Variants in MARCO observed in about 807,000 individuals in gnomAD.
The protein encoded by MARCO is macrophage receptor MARCO.
In MARCO, 72 loss-of-function variants were observed where a neutral mutation model predicts 70.0. The observed-to-expected ratio is 1.03, with a 90% CI of 0.85 to 1.25. MARCO has a LOEUF of 1.25. MARCO is among the 50% of genes most tolerant of loss of function. The pLI is 0.00. For missense variants in MARCO, 696 were observed against 659.3 expected, an observed-to-expected ratio of 1.06 and a Z score of -0.61; for synonymous variants, 273 against 243.1, an observed-to-expected ratio of 1.12 and a Z score of -1.14.
chr2:118,959,978 C>T (rs1484706266), intron 1 of MARCO, among the ~76,000 whole-genome samples: 1 of 151,572 alleles, frequency 6.6e-6, no homozygotes, highest in Non-Finnish European at 1.5e-5. Context: ...AGGGTGGTGA[C>T]GGATAAAAGA....
chr2:118,985,401 T>C (rs929412376), intron 12 of MARCO, among the ~76,000 whole-genome samples: 4 of 152,102 alleles, frequency 2.6e-5, no homozygotes, highest in Admixed American at 2.0e-4. Flanking sequence ...CTGACCACAC[T>C]CTACCCCATT....
At chr2:118,973,777 G>A (rs901767509) in intron 4 of MARCO, among the ~76,000 whole-genome samples, 8 of 152,176 alleles carry the variant, frequency 5.3e-5, no homozygotes, top group Non-Finnish European at 1.2e-4. Flanking sequence ...AAGCTTCAGG[G>A]AAGGGGATTG....
At chr2:118,961,233 T>G (rs1558833317) in intron 1 of MARCO, among the ~76,000 whole-genome samples, 1 of 151,256 alleles carries the variant, frequency 6.6e-6, no homozygotes, top group African/African-American at 2.4e-5. Flanking sequence ...TAGAATGGTT[T>G]GTAATAGGAT....
intron 13 of MARCO, among the ~76,000 whole-genome samples, chr2:118,991,157 A>G (rs1021341938): frequency 3.3e-5 from 5 of 151,930 alleles, no homozygotes; most frequent in Non-Finnish European, 5.9e-5. Flanking sequence ...GCCTCTCAAG[A>G]GCCCTGCCCC....
chr2:118,990,559 TCCCCCCC>T, intron 12 of MARCO, 23 bp from the exon 13 acceptor site: 1 of 1,308,824 alleles, frequency 7.6e-7, no homozygotes, highest in Non-Finnish European at 1.1e-6. Context: ...TATTATCTCC[TCCCCCCC>T]CCCTTTTTTG....
Position 118,979,106 on chromosome 2 carries a change from T to G in MARCO, c.766+1171T>G, listed in dbSNP as rs75492472. On this transcript the variant is annotated intron_variant, in intron 8 of 16. Transcript: ENST00000327097. ...ACCACTGTACCTGGCACATGGGAATTCCTTACAAAAAAACTGGGAAGCCTT... is the reference window on the plus strand; with the variant it reads ...ACCACTGTACCTGGCACATGGGAATGCCTTACAAAAAAACTGGGAAGCCTT... Among the ~76,000 whole-genome samples, 900 of 152,236 alleles carry G rather than the reference T, an allele frequency of 5.9e-3. 11 individuals are homozygous for G. The highest frequency in any genetic ancestry group is 0.021 in the African/African-American group (857 of 41,518).
At chr2:118,947,469 C>T (rs1310645290) in intron 1 of MARCO, among the ~76,000 whole-genome samples, 1 of 152,132 alleles carries the variant, frequency 6.6e-6, no homozygotes, top group African/African-American at 2.4e-5. Context: ...TACCACCATG[C>T]CTGCCCGTGA....
At chr2:118,982,873 A>G (rs1680421456) in intron 12 of MARCO, among the ~76,000 whole-genome samples, 1 of 146,984 alleles carries the variant, frequency 6.8e-6, no homozygotes, top group African/African-American at 2.7e-5. Flanking sequence ...AGTTTATACC[A>G]TAATGCCAAC....
chr2:118,954,535 A>G (rs1679791858), intron 1 of MARCO, among the ~76,000 whole-genome samples: 1 of 152,154 alleles, frequency 6.6e-6, no homozygotes, highest in Non-Finnish European at 1.5e-5. Context: ...TTCTAGGGCC[A>G]CACCCACTGC....
intron 1 of MARCO, among the ~76,000 whole-genome samples, chr2:118,962,759 C>A (rs1472968862): frequency 2.0e-5 from 3 of 152,064 alleles, no homozygotes; most frequent in East Asian, 3.9e-4. Context: ...TTTCTGGGAG[C>A]TTTTAAATTA....
chr2:118,977,745 A>C, intron 7 of MARCO, 83 bp from the exon 8 acceptor site: 2 of 1,072,008 alleles, frequency 1.9e-6, no homozygotes, highest in Non-Finnish European at 2.7e-6. Context: ...CTTCTCTCCC[A>C]AATGCTTCCT....
intron 2 of MARCO, among the ~76,000 whole-genome samples, chr2:118,969,697 A>G (rs1680125141): frequency 6.6e-6 from 1 of 152,208 alleles, no homozygotes; most frequent in African/African-American, 2.4e-5. Flanking sequence ...CACTGAAGTC[A>G]CTCAAGAACG....
At chr2:118,988,669 G>A (rs1002963635) in intron 12 of MARCO, among the ~76,000 whole-genome samples, 8 of 152,034 alleles carry the variant, frequency 5.3e-5, no homozygotes, top group Non-Finnish European at 1.0e-4. Context: ...GTGATCTTTC[G>A]CCCAACCCAT....
At chr2:118,958,188 T>G (rs1009927118) in intron 1 of MARCO, among the ~76,000 whole-genome samples, 2 of 151,978 alleles carry the variant, frequency 1.3e-5, no homozygotes, top group African/African-American at 4.8e-5. Flanking sequence ...GGCATCCAAA[T>G]TGGTAAAGAG....
chr2:118,965,028 T>C (rs541206725), intron 1 of MARCO, among the ~76,000 whole-genome samples: 2 of 152,352 alleles, frequency 1.3e-5, no homozygotes, highest in East Asian at 3.9e-4. Context: ...TGTGTCTTGA[T>C]ATGGATTTCT....
At chr2:118,984,357 A>G (rs1268393519) in intron 12 of MARCO, among the ~76,000 whole-genome samples, 1 of 152,184 alleles carries the variant, frequency 6.6e-6, no homozygotes, top group Non-Finnish European at 1.5e-5. Context: ...CTTGGGGATC[A>G]TTTTAATTTC....
In MARCO at chr2:118,969,310, A is replaced by T. The variant is rs1016211617; in HGVS notation, c.199+49A>T. The T allele has an allele frequency of 1.4e-5, 20 of 1,477,170 alleles. 1 individual carries two copies. In the African/African-American group the frequency reaches 2.1e-4, roughly 15 times the overall value. 91.5% of individuals were successfully genotyped at this position (1,477,170 alleles called of 1,614,324 possible). On this transcript the variant is annotated intron_variant, in intron 2 of 16. Coordinates refer to ENST00000327097, the MANE Select transcript of MARCO (RefSeq NM_006770.4). ...AGTCCCTCCTGGGGGGAGAGGGGTG[A>T]CCCAGCTGGGCCCCTCAGATGAAGG...
chr2:118,944,981 T>C (rs1213571254), intron 1 of MARCO: 1 of 152,134 alleles, frequency 6.6e-6, no homozygotes, highest in Non-Finnish European at 1.5e-5. Flanking sequence ...TGATTAACAA[T>C]ACAAACTGTA....
intron 1 of MARCO, among the ~76,000 whole-genome samples, chr2:118,945,404 C>CTTTTTTTTTT (rs55684033): frequency 8.1e-5 from 10 of 123,064 alleles, no homozygotes; most frequent in Admixed American, 1.7e-4. Flanking sequence ...CCTCTTGTTT[C>CTTTTTTTTTT]TTTTTTTTTT....
Sources: gnomAD v4.1 joint callset for allele counts (sites outside exome capture counted in the v4.1 genomes callset) on GRCh38, gnomAD v4.1.1 for gene constraint, MANE v1.5 for transcripts, NCBI Gene and HGNC (gene_info 2026-07-23, HGNC 2026-07-21) for gene names.